Variants in CHN1 observed in about 807,000 individuals in gnomAD.
CHN1 encodes N-chimaerin.
A neutral mutation model predicts 59.5 loss-of-function variants in CHN1; 37 were observed. That is an observed-to-expected ratio of 0.62 (90% CI 0.48 to 0.82). The LOEUF (loss-of-function observed/expected upper bound fraction) is 0.82. Ranked by LOEUF, CHN1 falls within the 40% of genes least tolerant of loss-of-function variation. CHN1 has a pLI of 0.00. For missense variants in CHN1, 469 were observed against 571.0 expected, an observed-to-expected ratio of 0.82 and a Z score of 1.82; for synonymous variants, 206 against 200.4, an observed-to-expected ratio of 1.03 and a Z score of -0.24.
At chr2:174,840,993 G>T (rs541066052) in intron 7 of CHN1, among the ~76,000 whole-genome samples, 1 of 152,206 alleles carries the variant, frequency 6.6e-6, no homozygotes, top group African/African-American at 2.4e-5. Context: ...TTGGAACTTG[G>T]GGAATAAAGA....
chr2:174,931,575 G>C (rs1337230735), intron 3 of CHN1, among the ~76,000 whole-genome samples: 1 of 152,144 alleles, frequency 6.6e-6, no homozygotes, highest in African/African-American at 2.4e-5. Context: ...AAACAAAACA[G>C]ACCAAAATTG....
intron 2 of CHN1, among the ~76,000 whole-genome samples, chr2:174,945,740 A>G (rs1413642629): frequency 1.3e-5 from 2 of 152,040 alleles, no homozygotes; most frequent in African/African-American, 2.4e-5. Context: ...ATATTTTGTC[A>G]ACATAACATC....
intron 6 of CHN1, among the ~76,000 whole-genome samples, chr2:174,873,949 T>A (rs1687484036): frequency 6.6e-6 from 1 of 152,160 alleles, no homozygotes; most frequent in Admixed American, 6.5e-5. Context: ...GTCTCAGGCA[T>A]CCTTACATGT....
intron 1 of CHN1, among the ~76,000 whole-genome samples, chr2:174,964,766 T>G (rs1371911708): frequency 6.6e-6 from 1 of 152,238 alleles, no homozygotes; most frequent in Admixed American, 6.5e-5. Context: ...AAATTTTCTT[T>G]CATTCTTGGT....
chr2:174,846,105 T>C (rs1035345826), intron 7 of CHN1, among the ~76,000 whole-genome samples: 2 of 152,222 alleles, frequency 1.3e-5, no homozygotes, highest in African/African-American at 4.8e-5. Context: ...ACCTATTAAA[T>C]GTAACTGGGT....
chr2:174,882,188 C>T (rs1027390330), intron 5 of CHN1, among the ~76,000 whole-genome samples: 2 of 152,128 alleles, frequency 1.3e-5, no homozygotes, highest in Non-Finnish European at 2.9e-5. Context: ...TCATTTTCTC[C>T]AGAGTGTTAC....
intron 5 of CHN1, among the ~76,000 whole-genome samples, chr2:174,901,222 ACTT>A (rs1368683920): frequency 6.6e-6 from 1 of 152,134 alleles, no homozygotes; most frequent in African/African-American, 2.4e-5. Context: ...GTGCAGCCTC[ACTT>A]CTTCCCTCTC....
At chr2:174,826,933 G>GT (rs1204229783) in intron 7 of CHN1, among the ~76,000 whole-genome samples, 2 of 151,910 alleles carry the variant, frequency 1.3e-5, no homozygotes, top group Admixed American at 1.3e-4. Flanking sequence ...TTGAGGCTGG[G>GT]TTGTTTTTTT....
chr2:174,812,893 C>T (rs920442842), intron 8 of CHN1, among the ~76,000 whole-genome samples: 3 of 152,068 alleles, frequency 2.0e-5, no homozygotes, highest in Admixed American at 2.0e-4. Context: ...AATTGGACCT[C>T]CAAAAGTAGG....
At chr2:174,873,907 A>C (rs1464082824) in intron 6 of CHN1, among the ~76,000 whole-genome samples, 2 of 152,238 alleles carry the variant, frequency 1.3e-5, no homozygotes, top group African/African-American at 2.4e-5. Context: ...AAGTTCCATA[A>C]AATAAAAAAA....
rs559574685 is a variant in CHN1, at chr2:174,832,319, A to G, written c.628-7801T>C. ...TTCTTTTTCACTGATTGCTGCTCTT[A>G]CCTTTAATACTGCCTTTCCTTAAGT... is the stretch of plus-strand genomic sequence containing the variant. On this transcript the variant is annotated intron_variant, in intron 7 of 12. Coordinates refer to ENST00000409900, the MANE Select transcript of CHN1 (RefSeq NM_001822.7). Among the ~76,000 whole-genome samples, 213 of 152,114 alleles carry G rather than the reference A, an allele frequency of 1.4e-3. 2 individuals are homozygous for G. Among genetic ancestry groups the G allele is most frequent in the African/African-American group, 5.0e-3 (206 of 41,560 alleles).
At chr2:174,835,021 T>C (rs1307081647) in intron 7 of CHN1, among the ~76,000 whole-genome samples, 1 of 152,212 alleles carries the variant, frequency 6.6e-6, no homozygotes, top group Non-Finnish European at 1.5e-5. Context: ...AGGCAAAGTA[T>C]GGATTCTCCT....
intron 5 of CHN1, among the ~76,000 whole-genome samples, chr2:174,894,384 TA>T (rs1332087601): frequency 4.6e-5 from 7 of 152,146 alleles, no homozygotes; most frequent in Non-Finnish European, 1.0e-4. Flanking sequence ...CCAACATCAC[TA>T]ATCATCAGGG....
In CHN1 at chr2:174,944,945, T is replaced by C; in HGVS notation, c.59-2A>G. On this transcript the variant is annotated splice_acceptor_variant, in intron 2 of 12. Coordinates refer to ENST00000409900, the MANE Select transcript of CHN1 (RefSeq NM_001822.7). LOFTEE classifies it high-confidence loss of function. ...GGGCTTCCTGTTGTAGCTGATATAC[T>C]GTGAGAAGGTAGAAACAAAAAGTGT... 1 of 1,568,004 alleles carries C rather than the reference T, an allele frequency of 6.4e-7. No homozygotes were observed. The highest frequency in any genetic ancestry group is 8.7e-7 in the Non-Finnish European group (1 of 1,154,416).
intron 7 of CHN1, among the ~76,000 whole-genome samples, chr2:174,830,029 G>T (rs535641970): frequency 1.3e-4 from 20 of 152,036 alleles, no homozygotes; most frequent in Admixed American, 5.9e-4. Context: ...TCAAGAGATC[G>T]AGACTATCTT....
chr2:174,879,997 T>G (rs1165623455), intron 5 of CHN1, among the ~76,000 whole-genome samples: 1 of 152,170 alleles, frequency 6.6e-6, no homozygotes, highest in African/African-American at 2.4e-5. Context: ...TCCTAGTTCT[T>G]TCCAATGGAC....
At chr2:174,921,097 G>C (rs550786455) in intron 3 of CHN1, 65 of 368,668 alleles carry the variant, frequency 1.8e-4, no homozygotes, top group Admixed American at 4.1e-4. Context: ...AGCGGCTGTA[G>C]TTGAAGCTTC....
intron 3 of CHN1, among the ~76,000 whole-genome samples, chr2:174,940,322 C>T (rs549787575): frequency 6.6e-6 from 1 of 152,302 alleles, no homozygotes; most frequent in South Asian, 2.1e-4. Context: ...CCGCCACGCC[C>T]AGCCGAGAGT....
At chr2:174,871,753 T>C (rs879542802) in intron 6 of CHN1, among the ~76,000 whole-genome samples, 2 of 152,330 alleles carry the variant, frequency 1.3e-5, no homozygotes, top group African/African-American at 4.8e-5. Context: ...TCAAGATGCC[T>C]AAGTGTTATT....
Sources: gnomAD v4.1 joint callset for allele counts (sites outside exome capture counted in the v4.1 genomes callset) on GRCh38, gnomAD v4.1.1 for gene constraint, MANE v1.5 for transcripts, NCBI Gene and HGNC (gene_info 2026-07-23, HGNC 2026-07-21) for gene names.